The following DNM2 variants were observed in gnomAD, a reference collection of about 807,000 sequenced individuals.
DNM2 encodes dynamin 2.
Under a neutral mutation model 99.0 loss-of-function variants are expected in DNM2, and 15 were observed. That is an observed-to-expected ratio of 0.15 (90% confidence interval 0.10 to 0.23). The LOEUF (loss-of-function observed/expected upper bound fraction) is 0.23. DNM2 is among the 10% of genes least tolerant of loss of function. The probability of loss-of-function intolerance (pLI) is 1.00; values close to 1 mark genes in which losing one functional copy is unlikely to be tolerated. For missense variants in DNM2, 742 were observed against 1,189.4 expected (o/e 0.62, Z 5.53); for synonymous variants, 525 against 481.2 (o/e 1.09, Z -1.19).
intron 1 of DNM2, chr19:10,718,743 C>T (rs754165300): frequency 2.5e-4 from 48 of 194,304 alleles, no homozygotes; most frequent in Admixed American, 3.1e-4. Flanking sequence ...CTCTTCTGCT[C>T]TTTCGGGCTG....
chr19:10,807,598 G>A (rs1307380084), intron 13 of DNM2, among the ~76,000 whole-genome samples: 1 of 139,374 alleles, frequency 7.2e-6, no homozygotes, highest in Non-Finnish European at 1.5e-5. Flanking sequence ...ACCAAGGCTG[G>A]AGTGCAGTGG....
intron 1 of DNM2, among the ~76,000 whole-genome samples, chr19:10,734,399 AG>A (rs2069446113): frequency 6.6e-6 from 1 of 151,222 alleles, no homozygotes; most frequent in East Asian, 1.9e-4. Flanking sequence ...CTGTAATCCC[AG>A]CACTTTGGGA....
intron 11 of DNM2, among the ~76,000 whole-genome samples, chr19:10,801,009 G>A (rs1271374321): frequency 6.6e-6 from 1 of 152,196 alleles, no homozygotes; most frequent in South Asian, 2.1e-4. Context: ...CACGCCAGGC[G>A]CTAAAGACTT....
intron 1 of DNM2, among the ~76,000 whole-genome samples, chr19:10,720,002 C>T (rs1392697512): frequency 6.6e-6 from 1 of 151,138 alleles, no homozygotes; most frequent in East Asian, 2.0e-4. Context: ...GACTTGCAGC[C>T]AGCTGGGCCT....
Position 10,811,525 on chromosome 19 carries a change from G to A in DNM2, c.1558-739G>A. 1 of 365,594 alleles carries A rather than the reference G, an allele frequency of 2.7e-6. No homozygotes were observed. The highest frequency in any genetic ancestry group is 5.4e-6 in the Non-Finnish European group (1 of 184,310). 22.6% of individuals were successfully genotyped at this position (365,594 alleles called of 1,614,324 possible). On this transcript the variant is annotated intron_variant, in intron 14 of 20. Transcript: ENST00000389253. This position sits in a 1 kb window ranked among gnomAD's most constrained non-coding sequence, Gnocchi z 5.4. ...AAGTCTGTCAGTGCCTGGGTCCCAG[G>A]CCGCCCTGTGCGTGCCTCCGTGTGC...
intron 7 of DNM2, among the ~76,000 whole-genome samples, chr19:10,789,543 A>AG (rs1162824691): frequency 4.6e-5 from 7 of 152,078 alleles, no homozygotes; most frequent in Non-Finnish European, 1.0e-4. Flanking sequence ...GAAAAAAAAA[A>AG]AAAATTAGGC....
intron 18 of DNM2, among the ~76,000 whole-genome samples, chr19:10,828,046 T>C (rs1386291876): frequency 6.6e-6 from 1 of 152,042 alleles, no homozygotes; most frequent in Non-Finnish European, 1.5e-5. Flanking sequence ...CCCAGCACTT[T>C]GGGAGGCCAA....
In DNM2 at chr19:10,746,373, C is replaced by T. The variant is rs73007535; in HGVS notation, c.162-13365C>T. Among the ~76,000 whole-genome samples the T allele has an allele frequency of 5.2e-3, 793 of 152,178 alleles. 3 individuals carry two copies. Among genetic ancestry groups the T allele is most frequent in the Middle Eastern group, 0.014 (4 of 292 alleles). ...GGGGGGCACTTGGGAACTGTCAAAC[C>T]GTCAAATGTTATGAGCAGAGGAGGG... On this transcript the variant is annotated intron_variant, in intron 1 of 20. Transcript: ENST00000389253.
intron 2 of DNM2, among the ~76,000 whole-genome samples, chr19:10,762,334 G>A (rs1057393281): frequency 1.3e-5 from 2 of 152,090 alleles, no homozygotes; most frequent in Admixed American, 6.6e-5. Flanking sequence ...CACTGGGCCC[G>A]GCCACAAACT....
intron 1 of DNM2, among the ~76,000 whole-genome samples, chr19:10,744,904 C>G (rs1288820753): frequency 1.3e-5 from 2 of 152,078 alleles, no homozygotes; most frequent in Non-Finnish European, 2.9e-5. Context: ...CAGGACCCCA[C>G]ATTTGAGCAG....
chr19:10,824,108 G>A (rs996217887), intron 17 of DNM2: 21 of 584,468 alleles, frequency 3.6e-5, no homozygotes, highest in Middle Eastern at 4.6e-4. Flanking sequence ...GCCAGTGACC[G>A]GGGCACACAG....
chr19:10,744,135 G>T (rs1237890749), intron 1 of DNM2, among the ~76,000 whole-genome samples: 1 of 151,946 alleles, frequency 6.6e-6, no homozygotes, highest in Non-Finnish European at 1.5e-5. Flanking sequence ...TTCGGCTGGG[G>T]TGACAGAGCC....
At chr19:10,819,632 G>A (rs1599619550) in intron 15 of DNM2, among the ~76,000 whole-genome samples, 1 of 152,258 alleles carries the variant, frequency 6.6e-6, no homozygotes, top group East Asian at 1.9e-4. Flanking sequence ...AACAAGCGCA[G>A]GATACGTGAC....
At chr19:10,748,702 A>T (rs1382991298) in intron 1 of DNM2, among the ~76,000 whole-genome samples, 1 of 152,260 alleles carries the variant, frequency 6.6e-6, no homozygotes, top group Middle Eastern at 3.4e-3. Flanking sequence ...TCCCTCGCTG[A>T]GCGTCCTGGG....
intron 1 of DNM2, among the ~76,000 whole-genome samples, chr19:10,750,668 T>C (rs12459624): frequency 0.1 from 15,445 of 152,082 alleles, 1,209 homozygotes; most frequent in East Asian, 0.37. Context: ...CGGTGGCTCA[T>C]GCCTGTAATC....
intron 6 of DNM2, among the ~76,000 whole-genome samples, chr19:10,784,033 T>C (rs1274931215): frequency 6.6e-6 from 1 of 152,114 alleles, no homozygotes; most frequent in Non-Finnish European, 1.5e-5. Context: ...TTGATTCACA[T>C]GGTGCATAAA....
chr19:10,769,468 A>C (rs1462586545), intron 2 of DNM2: 2 of 152,186 alleles, frequency 1.3e-5, no homozygotes, highest in African/African-American at 4.8e-5. Flanking sequence ...CTTTGTAGAC[A>C]CCACACTTGG....
intron 13 of DNM2, 56 bp downstream of exon 13, chr19:10,806,023 T>TGACAGCTAAGC: frequency 1.9e-6 from 3 of 1,609,196 alleles, no homozygotes; most frequent in Non-Finnish European, 2.6e-6. Flanking sequence ...GGACGCTAAG[T>TGACAGCTAAGC]GACAGCTAAG....
intron 2 of DNM2, among the ~76,000 whole-genome samples, chr19:10,768,123 C>A (rs549604990): frequency 2.0e-5 from 3 of 152,082 alleles, no homozygotes; most frequent in African/African-American, 7.2e-5. Flanking sequence ...AGGGGTTGGC[C>A]GACAGCAGAA....
Sources: gnomAD v4.1 joint callset for allele counts (sites outside exome capture counted in the v4.1 genomes callset) on GRCh38, gnomAD v4.1.1 for gene constraint, Gnocchi (gnomAD v3.1) non-coding constraint, MANE v1.5 for transcripts, NCBI Gene and HGNC (gene_info 2026-07-23, HGNC 2026-07-21) for gene names.